The following ANO8 variants were observed in gnomAD, a reference collection of about 807,000 sequenced individuals.
The protein encoded by ANO8 is anoctamin 8, also known as anoctamin-8.
A neutral mutation model predicts 120.4 loss-of-function variants in ANO8; 67 were observed. That is an observed-to-expected ratio of 0.56 (90% CI 0.46 to 0.68). The LOEUF is 0.68. Among genes scored for constraint, ANO8 ranks in the 30% least tolerant of loss-of-function variants. ANO8 has a pLI of 0.00. For synonymous variants in ANO8, 727 were observed against 759.2 expected (o/e 0.96, Z 0.70); for missense variants, 1,526 against 1,737.6 (o/e 0.88, Z 2.16).
chr19:17,329,763 C>G lies in ANO8; in HGVS notation c.1398G>C (p.Leu466Phe). The G allele has an allele frequency of 6.2e-7, 1 of 1,611,998 alleles. No individual in the cohort carries two copies. The highest frequency in any genetic ancestry group is 1.7e-5 in the Admixed American group (1 of 59,806). Residue 466 changes from leucine (L) to phenylalanine (F), a missense_variant, in exon 12 of 18, where the codon TTG becomes TTC. This residue lies in a region of ANO8 where 23 missense variants were observed against 53.3 expected (regional missense o/e 0.43). Coordinates refer to ENST00000159087, the MANE Select transcript of ANO8 (RefSeq NM_020959.3). ...GCTGGGGCGGGGGTCTCACCTCTTT[C>G]AAGCGCTCCATGTCCTTGAGGTAGA... is the stretch of plus-strand genomic sequence containing the variant. ...IGFYLKDMER[L>F]KEMLATLLIT... is the part of the protein sequence containing the mutation.
chr19:17,333,592 AG>A lies in ANO8; in HGVS notation c.218-39del, dbSNP rs970043150. 6.7e-7 allele frequency: 1 copy of A among 1,498,460 alleles called. No homozygotes were observed. Among genetic ancestry groups the A allele is most frequent in the African/African-American group, 1.6e-5 (1 of 64,162 alleles). 92.8% of individuals were successfully genotyped at this position (1,498,460 alleles called of 1,614,324 possible). On this transcript the variant is annotated intron_variant, in intron 2 of 17. Transcript: ENST00000159087. The surrounding 1 kb of genome is among the most constrained non-coding windows in gnomAD (Gnocchi z 7.2). ...ACAGGGACCGATGGCTCCTGCCACG[AG>A]GGGGCCCAAGGCCTCCTACGTATTC...
rs1423465328 is a variant in ANO8, at chr19:17,327,287, C to G, written c.2609G>C (p.Trp870Ser). ...IHVAIPDIPG[W>S]VAEEMAKLEY... is the part of the protein sequence containing the mutation. ...CAGCTTGGCCATTTCCTCGGCCACCCAGCCCGGGATATCGGGGATGGCCAC... is the reference window on the plus strand; with the variant it reads ...CAGCTTGGCCATTTCCTCGGCCACCGAGCCCGGGATATCGGGGATGGCCAC... Residue 870 changes from tryptophan (W) to serine (S), a missense_variant, in exon 16 of 18, where the codon TGG becomes TCG. By Grantham distance (177) the Trp-to-Ser change is radical (BLOSUM62 -3). Transcript: ENST00000159087. 2 of 1,549,146 alleles carry G rather than the reference C, an allele frequency of 1.3e-6. No individual in the cohort carries two copies. The highest frequency in any genetic ancestry group is 1.7e-6 in the Non-Finnish European group (2 of 1,146,600).
In ANO8 at chr19:17,323,339, GT is replaced by G; in HGVS notation, c.*177del. 1 of 387,178 alleles carries G rather than the reference GT, an allele frequency of 2.6e-6. No individual in the cohort carries two copies. Among genetic ancestry groups the G allele is most frequent in the Non-Finnish European group, 4.5e-6 (1 of 221,248 alleles). The allele number at this position is 387,178 out of a possible 1,614,324, so 24.0% of individuals were successfully genotyped here. ...TGTGTGTGTGTGTGTGTGTGTGTGT[GT>G]GTGTTTTCTGTTGGATTTGTGGGTT... On this transcript the variant is annotated 3_prime_UTR_variant, in exon 18 of 18. Transcript: ENST00000159087.
intron 12 of ANO8, 187 bp downstream of exon 12, chr19:17,329,570 G>A (rs1157635512): frequency 6.6e-6 from 4 of 609,624 alleles, no homozygotes; most frequent in East Asian, 2.8e-5. Context: ...ACAGATGGAC[G>A]GACAGATGGG....
At position 17,333,771 on chromosome 19, in the gene ANO8, C is replaced by A. The variant is rs1568363049; in HGVS notation, c.136G>T (p.Ala46Ser). Residue 46 changes from alanine (A) to serine (S), a missense_variant, in exon 2 of 18, where the codon GCT becomes TCT. This residue lies in a region of ANO8 where 322 missense variants were observed against 431.8 expected (regional missense o/e 0.75). Coordinates refer to ENST00000159087, the MANE Select transcript of ANO8 (RefSeq NM_020959.3). The surrounding 1 kb of genome is among the most constrained non-coding windows in gnomAD (Gnocchi z 7.2). ...DKLFGKRLLQ[A>S]GRYLVSHKAW... ...TTGTGGGACACCAGGTAGCGACCAG[C>A]CTGCAGGAGCCGCTTTCCGAAAAGC... The A allele has an allele frequency of 1.2e-6, 2 of 1,605,362 alleles. No homozygotes were observed. The highest frequency in any genetic ancestry group is 1.7e-6 in the Non-Finnish European group (2 of 1,177,068).
Position 17,330,823 on chromosome 19 carries a change from C to T in ANO8, c.993+5G>A. 1 of 1,612,746 alleles carries T rather than the reference C, an allele frequency of 6.2e-7. No individual in the cohort carries two copies. Among genetic ancestry groups the T allele is most frequent in the Non-Finnish European group, 8.5e-7 (1 of 1,179,226 alleles). ...CCATGACCCTGGACTCAGCCCCCAACTGACCCTGAACTGGGGGCGTGGCTC... is the reference window on the plus strand; with the variant it reads ...CCATGACCCTGGACTCAGCCCCCAATTGACCCTGAACTGGGGGCGTGGCTC... On this transcript the variant is annotated splice_donor_5th_base_variant and intron_variant, in intron 8 of 17. Coordinates refer to ENST00000159087, the MANE Select transcript of ANO8 (RefSeq NM_020959.3).
intron 5 of ANO8, 141 bp downstream of exon 5, chr19:17,332,789 C>CT: frequency 1.1e-6 from 1 of 889,260 alleles, no homozygotes; most frequent in South Asian, 1.6e-5. Context: ...GGCCACACCC[C>CT]TTTAGCTCAT....
At position 17,333,430 on chromosome 19, in the gene ANO8, C is replaced by T. The variant is rs2074335077; in HGVS notation, c.342G>A (p.Thr114=). ...AGGGACAGGGGACTCGCCTCTCATA[C>T]GTGGCGGTGACAAAGAAGGCGTAGG... ...TRAYAFFVTA[T]YESLLRGADE... Residue 114 remains threonine, a synonymous_variant, in exon 3 of 18, where the codon ACG becomes ACA. Coordinates refer to ENST00000159087, the MANE Select transcript of ANO8 (RefSeq NM_020959.3). The surrounding 1 kb of genome is among the most constrained non-coding windows in gnomAD (Gnocchi z 7.2). 3 of 1,613,818 alleles carry T rather than the reference C, an allele frequency of 1.9e-6. No individual in the cohort carries two copies. Among genetic ancestry groups the T allele is most frequent in the Non-Finnish European group, 1.7e-6 (2 of 1,180,010 alleles).
chr19:17,327,541 G>C lies in ANO8; in HGVS notation c.2447C>G (p.Ala816Gly). 6.2e-7 allele frequency: 1 copy of C among 1,613,462 alleles called. No homozygotes were observed. The highest frequency in any genetic ancestry group is 1.7e-5 in the Admixed American group (1 of 60,014). ...GATTAAGTAGCAGTTGACCACAATC[G>C]CTAGGACACCCATGGCCTCCATCAC... Reference protein sequence around the residue: ...QKVMEAMGVLAIVVNCYLIGQ... With the variant: ...QKVMEAMGVLGIVVNCYLIGQ... The change falls in exon 15 of 18, where the codon GCG becomes GGG. Residue 816 changes from alanine to glycine, a missense_variant. Coordinates refer to ENST00000159087, the MANE Select transcript of ANO8 (RefSeq NM_020959.3).
rs2074338365 is a variant in ANO8 at position 17,333,700 on chromosome 19, C to T, written c.207G>A (p.Met69Ile). The change falls in exon 2 of 18, where the codon ATG (methionine) becomes ATA (isoleucine). Residue 69 changes from methionine to isoleucine, a missense_variant. Transcript: ENST00000159087. The surrounding 1 kb of genome is among the most constrained non-coding windows in gnomAD (Gnocchi z 7.2). ...GGCGGGCTTGGGTACCTGGGAAGGT[C>T]ATCAGCACGTCGCAGTTCTCTGTAG... is the stretch of plus-strand genomic sequence containing the variant. ...TVPTENCDVLMTFPDTTDDHT... is the reference protein window; with the variant it reads ...TVPTENCDVLITFPDTTDDHT... 3.8e-6 allele frequency: 6 copies of T among 1,599,046 alleles called. No individual in the cohort carries two copies. In the East Asian group the frequency reaches 1.4e-4, roughly 36 times the overall value.
chr19:17,329,714 G>A (rs2074302555), intron 12 of ANO8, 43 bp downstream of exon 12: 1 of 1,551,990 alleles, frequency 6.4e-7, no homozygotes, highest in Non-Finnish European at 8.8e-7. Flanking sequence ...CTCGCTGGCC[G>A]CCATGGGGGC....
rs1228899562 is a variant in ANO8, at chr19:17,328,293, G to C, written c.2095C>G (p.Pro699Ala). 2.1e-5 allele frequency: 33 copies of C among 1,605,650 alleles called. No individual in the cohort carries two copies. The highest frequency in any genetic ancestry group is 2.7e-5 in the Non-Finnish European group (32 of 1,177,196). Residue 699 changes from proline to alanine, a missense_variant, in exon 13 of 18, where the codon CCC becomes GCC. By Grantham distance (27) the Pro-to-Ala change is conservative (BLOSUM62 -1). This residue lies in a region of ANO8 where 467 missense variants were observed against 425.8 expected (regional missense o/e 1.10). Transcript: ENST00000159087. The stretch of plus-strand genomic sequence containing the variant: ...CGGGTCGAATCGCTGTTGGAGCCGG[G>C]TTCCGGGTCCGGGCCCCCGTCGGGC... ...QGPDGGPDPE[P>A]GSNSDSTRRQ... is the part of the protein sequence containing the mutation.
At chr19:17,329,501 T>A in intron 12 of ANO8, 1 of 544,508 alleles carries the variant, frequency 1.8e-6, no homozygotes, top group Non-Finnish European at 3.3e-6. Context: ...CGCCTGCAGC[T>A]GCCGCTCGAG....
intron 5 of ANO8, among the ~76,000 whole-genome samples, chr19:17,332,263 T>TTATTG (rs1421410426): frequency 1.3e-5 from 2 of 151,160 alleles, no homozygotes; most frequent in African/African-American, 4.9e-5. Flanking sequence ...ATTTATTTGT[T>TTATTG]TGAGACAGGG....
In ANO8 at chr19:17,327,440, C is replaced by T. The variant is rs1293479005; in HGVS notation, c.2548G>A (p.Glu850Lys). 3 of 1,607,328 alleles carry T rather than the reference C, an allele frequency of 1.9e-6. No homozygotes were observed. The highest frequency in any genetic ancestry group is 2.5e-6 in the Non-Finnish European group (3 of 1,177,022). Residue 850 changes from glutamate to lysine, a missense_variant and splice_region_variant, in exon 15 of 18, where the codon GAG becomes AAG. Physicochemically the swap from Glu to Lys is moderately conservative, Grantham distance 56 (BLOSUM62 1). This residue lies in a region of ANO8 where 489 missense variants were observed against 548.6 expected (regional missense o/e 0.89). Coordinates refer to ENST00000159087, the MANE Select transcript of ANO8 (RefSeq NM_020959.3). Reference protein sequence around the residue: ...EAAIVSVVVLEHFALLLKYLI... With the variant: ...EAAIVSVVVLKHFALLLKYLI... ...CCCGCCCCTGTCGCCGGCCCCACCT[C>T]GAGCACTACCACCGACACGATGGCT... is the stretch of plus-strand genomic sequence containing the variant.
chr19:17,324,743 G>C lies in ANO8; in HGVS notation c.3305C>G (p.Ala1102Gly), dbSNP rs1051755812. ...VDEALAEELE[A>G]PRPEEEGSGT... is the part of the protein sequence containing the mutation. ...TGAGCCTTCCTCTTCGGGCCGGGGG[G>C]CTTCCAGCTCCTCAGCCAGGGCCTC... The change falls in exon 17 of 18, where the codon GCC becomes GGC. Residue 1102 changes from alanine (A) to glycine (G), a missense_variant. By Grantham distance (60) the Ala-to-Gly change is moderately conservative (BLOSUM62 0). Around this residue, in one of 8 missense-constraint regions of ANO8, gnomAD observed 489 missense variants for 548.6 expected, o/e 0.89. Coordinates refer to ENST00000159087, the MANE Select transcript of ANO8 (RefSeq NM_020959.3). The C allele has an allele frequency of 6.5e-7, 1 of 1,530,078 alleles. No homozygotes were observed. Among genetic ancestry groups the C allele is most frequent in the East Asian group, 2.3e-5 (1 of 44,174 alleles). The allele number at this position is 1,530,078 out of a possible 1,614,324, so 94.8% of individuals were successfully genotyped here. A position where few individuals can be genotyped will look rare whatever the true frequency, so the allele number is the denominator to read the frequency against.
At position 17,328,434 on chromosome 19, in the gene ANO8, C is replaced by A; in HGVS notation, c.1954G>T (p.Gly652Ter). Reference protein sequence around the residue: ...PTMVEKGLEPGVFTLAEEDDE... With the variant: ...PTMVEKGLEP ...TCCTCCTCGGCCAGGGTGAACACTC[C>A]CGGCTCCAGCCCCTTCTCCACCATA... The change falls in exon 13 of 18, where the codon GGA (glycine) becomes TGA (stop). Residue 652 changes from glycine to a stop codon, truncating the protein, a stop_gained. Transcript: ENST00000159087. LOFTEE classifies it high-confidence loss of function. The A allele has an allele frequency of 6.3e-7, 1 of 1,575,968 alleles. No individual in the cohort carries two copies. Among genetic ancestry groups the A allele is most frequent in the Non-Finnish European group, 8.6e-7 (1 of 1,166,728 alleles).
chr19:17,327,633 C>A lies in ANO8; in HGVS notation c.2418+56G>T, dbSNP rs1325591116. ...GCCTCCCCAGACCCCAGGCTCCTCC[C>A]AGCTGCACCTGGGCTCCCTCTGGGC... On this transcript the variant is annotated intron_variant, in intron 14 of 17. Coordinates refer to ENST00000159087, the MANE Select transcript of ANO8 (RefSeq NM_020959.3). 6.2e-6 allele frequency: 10 copies of A among 1,607,668 alleles called. No individual in the cohort carries two copies. In the Admixed American group the frequency reaches 1.7e-4, roughly 27 times the overall value.
chr19:17,334,061 A>G (rs1238465654), intron 1 of ANO8, among the ~76,000 whole-genome samples: 3 of 151,932 alleles, frequency 2.0e-5, no homozygotes, highest in Non-Finnish European at 2.9e-5. Context: ...CAAAACCACA[A>G]TCGATGGGGC....
Sources: gnomAD v4.1 joint callset for allele counts (sites outside exome capture counted in the v4.1 genomes callset) on GRCh38, gnomAD v4.1.1 for gene constraint, gnomAD v4.1.1 regional missense constraint, Gnocchi (gnomAD v3.1) non-coding constraint, MANE v1.5 for transcripts, NCBI Gene and HGNC (gene_info 2026-07-23, HGNC 2026-07-21) for gene names.